The following ZNF732 variants were observed in gnomAD, a reference collection of about 807,000 sequenced individuals.
ZNF732 encodes the protein zinc finger protein 732, also known as zinc finger protein LOC654254.
A neutral mutation model predicts 11.5 loss-of-function variants in ZNF732; 12 were observed. The ratio of observed to expected loss-of-function variants is 1.05; its 90% CI spans 0.67 to 1.70. The LOEUF is 1.70. Ranked by LOEUF, ZNF732 falls within the 40% of genes most tolerant of loss-of-function variation. The pLI, the probability that ZNF732 is intolerant of heterozygous loss-of-function variation, is 0.00. For missense variants in ZNF732, 702 were observed against 676.9 expected (o/e 1.04, Z -0.41); for synonymous variants, 231 against 236.5 (o/e 0.98, Z 0.21).
intron 1 of ZNF732, among the ~76,000 whole-genome samples, chr4:296,538 G>T: frequency 6.6e-6 from 1 of 152,190 alleles, no homozygotes; most frequent in East Asian, 1.9e-4. Context: ...CAGAACAACA[G>T]ACAGGATCTG....
Position 305,299 on chromosome 4 carries a change from C to T in ZNF732, c.3+9G>A, listed in dbSNP as rs782458662. ...CCCCAGCCTTGGGACGCCCTGCCCC[C>T]ACACTCACCATTTCCCCACTTCAGG... is the stretch of plus-strand genomic sequence containing the variant. On this transcript the variant is annotated intron_variant, in intron 1 of 3. Coordinates refer to ENST00000419098, the MANE Select transcript of ZNF732 (RefSeq NM_001137608.3). The T allele has an allele frequency of 6.8e-6, 11 of 1,607,282 alleles. No individual in the cohort carries two copies. The Middle Eastern group carries it at 5.0e-4, about 73-fold the overall frequency.
intron 3 of ZNF732, among the ~76,000 whole-genome samples, chr4:289,466 A>T (rs191949045): frequency 6.6e-5 from 10 of 152,372 alleles, no homozygotes; most frequent in African/African-American, 2.4e-4. Flanking sequence ...GTTATGTGCC[A>T]TATTTGCTTT....
intron 3 of ZNF732, among the ~76,000 whole-genome samples, chr4:279,265 T>G (rs1553839286): frequency 6.6e-6 from 1 of 151,844 alleles, no homozygotes; most frequent in African/African-American, 2.4e-5. Flanking sequence ...GGTGAAACCT[T>G]GTCTCTACTA....
chr4:273,661 C>G lies in ZNF732; in HGVS notation c.227-1031G>C, dbSNP rs932938566. Among the ~76,000 whole-genome samples the G allele has an allele frequency of 7.9e-5, 12 of 151,810 alleles. 1 individual carries two copies. The highest frequency in any genetic ancestry group is 6.6e-4 in the Admixed American group (10 of 15,250). ...GGATATAAAAACGGAAGAAGCTCAA[C>G]AAACTTCAACAAGGTTACACACACA... On this transcript the variant is annotated intron_variant, in intron 3 of 3. Coordinates refer to ENST00000419098, the MANE Select transcript of ZNF732 (RefSeq NM_001137608.3).
intron 3 of ZNF732, among the ~76,000 whole-genome samples, chr4:286,946 A>G (rs1560160845): frequency 6.6e-6 from 1 of 152,070 alleles, no homozygotes; most frequent in Non-Finnish European, 1.5e-5. Flanking sequence ...GGGTCAGGAG[A>G]TCAAGACCAT....
At chr4:297,045 G>A (rs191161467) in intron 1 of ZNF732, among the ~76,000 whole-genome samples, 2 of 152,212 alleles carry the variant, frequency 1.3e-5, no homozygotes, top group African/African-American at 4.8e-5. Context: ...CGTGGTGGGG[G>A]GATCACAAGG....
chr4:284,200 C>T (rs1204224933), intron 3 of ZNF732, among the ~76,000 whole-genome samples: 4 of 151,820 alleles, frequency 2.6e-5, no homozygotes, highest in African/African-American at 4.8e-5. Context: ...CATGAGCCAC[C>T]GAGCCCAGCC....
chr4:282,416 A>G (rs1553839993), intron 3 of ZNF732, among the ~76,000 whole-genome samples: 1 of 152,176 alleles, frequency 6.6e-6, no homozygotes, highest in African/African-American at 2.4e-5. Flanking sequence ...AAAAAGAAGC[A>G]GTTGGGCCTG....
intron 3 of ZNF732, among the ~76,000 whole-genome samples, chr4:273,517 AAC>A (rs1271149059): frequency 1.3e-5 from 2 of 152,012 alleles, no homozygotes; most frequent in Admixed American, 1.3e-4. Context: ...GCTAAATGGA[AAC>A]ACGTACAACT....
intron 3 of ZNF732, among the ~76,000 whole-genome samples, chr4:292,517 A>G (rs1290260023): frequency 6.6e-6 from 1 of 150,786 alleles, no homozygotes; most frequent in Non-Finnish European, 1.5e-5. Context: ...AGATCATGCC[A>G]CTGCACTCCA....
chr4:285,025 G>A (rs1337241918), intron 3 of ZNF732, among the ~76,000 whole-genome samples: 4 of 152,006 alleles, frequency 2.6e-5, no homozygotes, highest in East Asian at 3.9e-4. Context: ...TCCAGCTGGA[G>A]GATTAAGTCT....
Position 274,826 on chromosome 4 carries a change from T to C in ZNF732, c.227-2196A>G, listed in dbSNP as rs527606161. ...AAACAATAATAATAATAAAGGTTCA[T>C]TTACTGGGAACTAATGACAAACATG... On this transcript the variant is annotated intron_variant, in intron 3 of 3. Coordinates refer to ENST00000419098, the MANE Select transcript of ZNF732 (RefSeq NM_001137608.3). Among the ~76,000 whole-genome samples, 20 of 151,806 alleles carry C rather than the reference T, an allele frequency of 1.3e-4. No individual in the cohort carries two copies. In the South Asian group the frequency reaches 4.1e-3, roughly 31 times the overall value.
intron 3 of ZNF732, among the ~76,000 whole-genome samples, chr4:284,386 G>T (rs1391583610): frequency 6.6e-6 from 1 of 152,026 alleles, no homozygotes; most frequent in Non-Finnish European, 1.5e-5. Flanking sequence ...AATGAAAATA[G>T]AAATAGGACA....
intron 3 of ZNF732, among the ~76,000 whole-genome samples, chr4:290,332 A>T (rs539839361): frequency 6.6e-6 from 1 of 152,218 alleles, no homozygotes; most frequent in Admixed American, 6.5e-5. Flanking sequence ...GGATTCCAAA[A>T]ATAGTTCTGT....
At chr4:279,419 G>A (rs1400960781) in intron 3 of ZNF732, among the ~76,000 whole-genome samples, 1 of 150,082 alleles carries the variant, frequency 6.7e-6, no homozygotes, top group Non-Finnish European at 1.5e-5. Flanking sequence ...GCACTCCAGC[G>A]TGGGTGACAG....
At chr4:301,368 G>A (rs892453841) in intron 1 of ZNF732, among the ~76,000 whole-genome samples, 4 of 152,120 alleles carry the variant, frequency 2.6e-5, no homozygotes, top group Admixed American at 1.3e-4. Flanking sequence ...TCATTACTGG[G>A]TATATATCCA....
At chr4:288,351 T>G (rs1719774470) in intron 3 of ZNF732, among the ~76,000 whole-genome samples, 1 of 152,234 alleles carries the variant, frequency 6.6e-6, no homozygotes, top group African/African-American at 2.4e-5. Context: ...TTCCTATATT[T>G]TCTTCTAAAA....
intron 1 of ZNF732, among the ~76,000 whole-genome samples, chr4:296,971 T>C (rs1719966272): frequency 4.6e-5 from 7 of 152,114 alleles, no homozygotes; most frequent in Admixed American, 3.9e-4. Flanking sequence ...AAGTCTGCAT[T>C]TGAAAAACAA....
rs782173347 is a variant in ZNF732, at chr4:272,385, G to C, written c.472C>G (p.Gln158Glu). The C allele has an allele frequency of 2.5e-6, 4 of 1,599,448 alleles. No homozygotes were observed. The African/African-American group carries it at 5.4e-5, about 21-fold the overall frequency. ...KVFSTFSNSN[Q>E]RRIRHTGEKH... ...TCTCCAGTATGTCTTATCCTACGTT[G>C]GTTTGAATTTGAAAATGTACTAAAT... The change falls in exon 4 of 4, where the codon CAA becomes GAA. Residue 158 changes from glutamine to glutamate, a missense_variant. Physicochemically the swap from Gln to Glu is conservative, Grantham distance 29. This residue lies in a region of ZNF732 where 596 missense variants were observed against 557.9 expected (regional missense o/e 1.07). Transcript: ENST00000419098.
Sources: gnomAD v4.1 joint callset for allele counts (sites outside exome capture counted in the v4.1 genomes callset) on GRCh38, gnomAD v4.1.1 for gene constraint, gnomAD v4.1.1 regional missense constraint, MANE v1.5 for transcripts, NCBI Gene and HGNC (gene_info 2026-07-23, HGNC 2026-07-21) for gene names.